Variants in RAD51C observed in about 807,000 individuals in gnomAD.
RAD51C encodes the protein DNA repair protein RAD51 homolog 3.
In RAD51C, 42 loss-of-function variants were observed where a neutral mutation model predicts 45.0. The ratio of observed to expected loss-of-function variants is 0.93; its 90% confidence interval spans 0.73 to 1.21. The LOEUF (loss-of-function observed/expected upper bound fraction) is 1.21, where lower values mean the gene tolerates loss of function less well. Ranked by LOEUF, RAD51C falls within the 50% of genes most tolerant of loss-of-function variation. The pLI is 0.00. For synonymous variants in RAD51C, 172 were observed against 159.8 expected (o/e 1.08, Z -0.58); for missense variants, 474 against 452.2 (o/e 1.05, Z -0.44).
intron 2 of RAD51C, among the ~76,000 whole-genome samples, chr17:58,695,791 G>T (rs2047982590): frequency 6.6e-6 from 1 of 151,914 alleles, no homozygotes. Flanking sequence ...AAGAGGCCGG[G>T]GATGGTGGCT....
chr17:58,728,536 C>G (rs2049266337), intron 7 of RAD51C, among the ~76,000 whole-genome samples: 1 of 151,338 alleles, frequency 6.6e-6, no homozygotes, highest in Non-Finnish European at 1.5e-5. Context: ...TAGCTGGGAC[C>G]ACAGGCATGT....
chr17:58,698,479 C>T (rs1224477580), intron 3 of RAD51C, among the ~76,000 whole-genome samples: 3 of 151,910 alleles, frequency 2.0e-5, no homozygotes, highest in African/African-American at 4.8e-5. Context: ...CCACCGCACC[C>T]GGCCACACCC....
At chr17:58,698,580 C>T (rs990208703) in intron 3 of RAD51C, among the ~76,000 whole-genome samples, 51 of 151,194 alleles carry the variant, frequency 3.4e-4, no homozygotes, top group African/African-American at 1.1e-3. Flanking sequence ...CTGCCCACCT[C>T]GGCCTCCCAA....
Position 58,726,621 on chromosome 17 carries a change from T to TGTATACGTATAGATGTATATAC in RAD51C, c.965+2544_965+2565dup, listed in dbSNP as rs1371760894. On this transcript the variant is annotated intron_variant, in intron 7 of 8. Coordinates refer to ENST00000337432, the MANE Select transcript of RAD51C (RefSeq NM_058216.3). ...ATGTATATACGTGTATGTATATATG[T>TGTATACGTATAGATGTATATAC]GTATACGTATAGATGTATATACGTA... 4.7e-5 allele frequency among the ~76,000 whole-genome samples: 7 copies of TGTATACGTATAGATGTATATAC among 149,432 alleles called. No individual in the cohort carries two copies. The South Asian group carries it at 1.1e-3, about 23-fold the overall frequency.
In RAD51C at chr17:58,692,706, A is replaced by C. The variant is rs770111989; in HGVS notation, c.63A>C (p.Pro21=). ...QRDLVSFPLS[P]AVRVKLVSAG... is the part of the protein sequence containing the mutation. ...ATTTGGTGAGTTTCCCGCTGTCTCC[A>C]GCGGTGCGGGTGAAGCTGGTGTCTG... The change falls in exon 1 of 9, where the codon CCA becomes CCC. Residue 21 remains proline (P), a synonymous_variant. Transcript: ENST00000337432. The C allele has an allele frequency of 6.2e-7, 1 of 1,614,234 alleles. No individual in the cohort carries two copies. Among genetic ancestry groups the C allele is most frequent in the Non-Finnish European group, 8.5e-7 (1 of 1,180,042 alleles).
At chr17:58,695,887 C>T (rs187446026) in intron 2 of RAD51C, among the ~76,000 whole-genome samples, 12 of 150,772 alleles carry the variant, frequency 8.0e-5, no homozygotes, top group Admixed American at 7.3e-4. Flanking sequence ...GTCAACATGG[C>T]GAAACCCCAT....
At chr17:58,699,484 G>A (rs979801778) in intron 3 of RAD51C, among the ~76,000 whole-genome samples, 1 of 151,216 alleles carries the variant, frequency 6.6e-6, no homozygotes, top group African/African-American at 2.4e-5. Context: ...GTCCCATTTC[G>A]CTGATGACCA....
chr17:58,732,463 T>G (rs1364419849), intron 7 of RAD51C, 21 bp from the exon 8 acceptor site: 36 of 1,602,346 alleles, frequency 2.2e-5, no homozygotes, highest in Non-Finnish European at 3.0e-5. Flanking sequence ...TTGTATGTAT[T>G]TATTCTTTTT....
At chr17:58,706,165 AT>A (rs1253191887) in intron 4 of RAD51C, 3 of 153,154 alleles carry the variant, frequency 2.0e-5, no homozygotes, top group African/African-American at 7.2e-5. Flanking sequence ...ACGGTGGCTC[AT>A]GCCTGTAATC....
In RAD51C at chr17:58,720,804, C is replaced by T. The variant is rs878855182; in HGVS notation, c.896C>T (p.Pro299Leu). The change falls in exon 6 of 9, where the codon CCT becomes CTT. Residue 299 changes from proline (P) to leucine (L), a missense_variant. Physicochemically the swap from Pro to Leu is moderately conservative, Grantham distance 98. Coordinates refer to ENST00000337432, the MANE Select transcript of RAD51C (RefSeq NM_058216.3). Reference sequence around the variant, plus strand: ...GATAGAAATCAGGCCTTGCTTGTTCCTGCATTAGGTGGGTAATTAATCAGA... The same window carrying T: ...GATAGAAATCAGGCCTTGCTTGTTCTTGCATTAGGTGGGTAATTAATCAGA... Reference protein sequence around the residue: ...KIDRNQALLVPALGESWGHAA... With the variant: ...KIDRNQALLVLALGESWGHAA... 1 of 1,610,502 alleles carries T rather than the reference C, an allele frequency of 6.2e-7. No homozygotes were observed. Among genetic ancestry groups the T allele is most frequent in the East Asian group, 2.2e-5 (1 of 44,822 alleles).
rs2048503246 is a variant in RAD51C at position 58,709,995 on chromosome 17, G to GTAT, written c.837+8_837+10dup. The GTAT allele has an allele frequency of 6.2e-7, 1 of 1,610,284 alleles. No homozygotes were observed. Among genetic ancestry groups the GTAT allele is most frequent in the Non-Finnish European group, 8.5e-7 (1 of 1,176,628 alleles). On this transcript the variant is annotated splice_donor_region_variant and intron_variant, in intron 5 of 8. Transcript: ENST00000337432. ...GCAAATAATCACAGATTAGCTGTAA[G>GTAT]TATTAACTAGTGAAGAGAGTTTTAT...
chr17:58,732,356 G>T, intron 7 of RAD51C, 128 bp from the exon 8 acceptor site: 3 of 764,134 alleles, frequency 3.9e-6, no homozygotes, highest in South Asian at 3.5e-5. Flanking sequence ...TCCTTTTTGT[G>T]TTCTTAGAGA....
intron 5 of RAD51C, among the ~76,000 whole-genome samples, chr17:58,715,408 C>T (rs547023218): frequency 5.0e-4 from 75 of 150,222 alleles, no homozygotes; most frequent in Middle Eastern, 3.4e-3. Flanking sequence ...AAGCCAGGAC[C>T]GCGCCATTGC....
At chr17:58,708,039 A>G (rs1448906817) in intron 4 of RAD51C, among the ~76,000 whole-genome samples, 1 of 152,164 alleles carries the variant, frequency 6.6e-6, no homozygotes, top group Non-Finnish European at 1.5e-5. Flanking sequence ...ACTGGGAGAT[A>G]GGGCTTCAAT....
Position 58,709,940 on chromosome 17 carries a change from A to C in RAD51C, c.787A>C (p.Asn263His). The C allele has an allele frequency of 6.2e-7, 1 of 1,613,134 alleles. No homozygotes were observed. Among genetic ancestry groups the C allele is most frequent in the Non-Finnish European group, 8.5e-7 (1 of 1,179,160 alleles). ...CCTGTCTCTTCGTACTCGGTTATTA[A>C]ATGGCCTAGCCCAGCAAATGATCAG... ...DDLSLRTRLL[N>H]GLAQQMISLA... The change falls in exon 5 of 9, where the codon AAT becomes CAT. Residue 263 changes from asparagine to histidine, a missense_variant. By Grantham distance (68) the Asn-to-His change is moderately conservative. Coordinates refer to ENST00000337432, the MANE Select transcript of RAD51C (RefSeq NM_058216.3).
chr17:58,711,381 C>T (rs908026863), intron 5 of RAD51C, among the ~76,000 whole-genome samples: 1 of 152,128 alleles, frequency 6.6e-6, no homozygotes, highest in African/African-American at 2.4e-5. Context: ...AATGTTACCT[C>T]AGTTTAGAGA....
rs786203945 is a variant in RAD51C at position 58,694,963 on chromosome 17, ACT to A, written c.181_182del (p.Leu61AlafsTer11). The A allele has an allele frequency of 2.5e-6, 4 of 1,614,098 alleles. No homozygotes were observed. Among genetic ancestry groups the A allele is most frequent in the Middle Eastern group, 1.6e-4 (1 of 6,062 alleles). ...VGISKAEALE[T>X]LQIIRRECLT... ...GATATCTAAAGCAGAAGCCTTAGAAACTCTGCAAATTATCAGAAGAGAATGTC... is the reference window on the plus strand; with the variant it reads ...GATATCTAAAGCAGAAGCCTTAGAAACTGCAAATTATCAGAAGAGAATGTC... On this transcript the variant is annotated frameshift_variant, in exon 2 of 9. Coordinates refer to ENST00000337432, the MANE Select transcript of RAD51C (RefSeq NM_058216.3). LOFTEE classifies it high-confidence loss of function.
chr17:58,719,136 A>G (rs2048831888), intron 5 of RAD51C, among the ~76,000 whole-genome samples: 1 of 152,088 alleles, frequency 6.6e-6, no homozygotes, highest in Non-Finnish European at 1.5e-5. Context: ...AGGCAGGAGA[A>G]TAGCTTGAAC....
intron 6 of RAD51C, among the ~76,000 whole-genome samples, chr17:58,722,927 C>T (rs2048971173): frequency 6.6e-6 from 1 of 152,262 alleles, no homozygotes; most frequent in South Asian, 2.1e-4. Context: ...CAGAATGCAA[C>T]AGGCAGAAGA....
Sources: allele counts gnomAD v4.1 joint callset (sites outside exome capture counted in the v4.1 genomes callset), GRCh38; gene constraint gnomAD v4.1.1; transcripts MANE v1.5; gene names NCBI Gene and HGNC (gene_info 2026-07-23, HGNC 2026-07-21).